The following PRH1 variants were observed in gnomAD, a reference collection of about 807,000 sequenced individuals.
The protein encoded by PRH1 is proline rich protein HaeIII subfamily 1.
PRH1 carries 7 observed loss-of-function variants against 7.9 expected under a neutral mutation model. That is an observed-to-expected ratio of 0.89 (90% confidence interval 0.50 to 1.67). PRH1 has a LOEUF of 1.67. Among genes scored for constraint, PRH1 ranks in the 40% most tolerant of loss-of-function variants. The pLI is 0.00. For synonymous variants in PRH1, 45 were observed against 80.8 expected, an observed-to-expected ratio of 0.56 and a Z score of 2.38; for missense variants, 109 against 223.6, an observed-to-expected ratio of 0.49 and a Z score of 3.27.
chr12:11,127,503 G>A (rs2136345183), intron 1 of PRH1, among the ~76,000 whole-genome samples: 1 of 152,400 alleles, frequency 6.6e-6, no homozygotes, highest in South Asian at 2.1e-4. Flanking sequence ...TCTACCAAAA[G>A]TGTCCAAGGT....
rs1944733557 is a variant in PRH1, at chr12:11,087,110, T to C, written n.124-39922A>G. Among the ~76,000 whole-genome samples the C allele has an allele frequency of 1.7e-5, 2 of 114,532 alleles. 1 individual carries two copies. Among genetic ancestry groups the C allele is most frequent in the Non-Finnish European group, 4.1e-5 (2 of 48,420 alleles). 75.1% of individuals were successfully genotyped at this position (114,532 alleles called of 152,430 possible). On this transcript the variant is annotated intron_variant and non_coding_transcript_variant, in intron 1 of 4. Coordinates refer to the PRH1 transcript ENST00000541977. Reference sequence around the variant, plus strand: ...AGTGAGAAGTTAAACTTGTTTTTTTTTTTTCTTCTGAGACACAGTCTCCCT... The same window carrying C: ...AGTGAGAAGTTAAACTTGTTTTTTTCTTTTCTTCTGAGACACAGTCTCCCT...
rs530056926 is a variant in PRH1 at position 10,936,711 on chromosome 12, G to A, written c.-59+36944C>T. ...TTGTGTTTTCTCTGTGCCCACAGAT[G>A]CCTGTTTCTTCCTCTTTTTATAAAG... On this transcript the variant is annotated intron_variant, in intron 2 of 3. Transcript: ENST00000539853. 2.6e-5 allele frequency among the ~76,000 whole-genome samples: 4 copies of A among 152,214 alleles called. No individual in the cohort carries two copies. The East Asian group carries it at 7.7e-4, about 29-fold the overall frequency.
At chr12:11,037,065 T>C (rs1259123545) in intron 1 of PRH1, among the ~76,000 whole-genome samples, 3 of 151,962 alleles carry the variant, frequency 2.0e-5, no homozygotes, top group East Asian at 3.9e-4. Flanking sequence ...ATTTATTTGC[T>C]TTTTTTTCTT....
intron 1 of PRH1, among the ~76,000 whole-genome samples, chr12:11,103,373 G>C (rs1945313608): frequency 6.6e-6 from 1 of 152,142 alleles, no homozygotes. Context: ...AAAATGATGA[G>C]TTCACGTCCC....
At chr12:10,927,670 G>A (rs759160793) in intron 2 of PRH1, among the ~76,000 whole-genome samples, 2 of 152,154 alleles carry the variant, frequency 1.3e-5, no homozygotes, top group African/African-American at 2.4e-5. Flanking sequence ...CCAGACCCTC[G>A]TATGCACAGT....
At chr12:10,882,835 G>A in intron 2 of PRH1, 137 bp from the exon 3 acceptor site, 6 of 1,471,288 alleles carry the variant, frequency 4.1e-6, no homozygotes, top group Non-Finnish European at 9.1e-7. Flanking sequence ...CCTTCCCAAG[G>A]CTTCCTAATT....
At chr12:11,056,988 A>C (rs1056740008) in intron 1 of PRH1, among the ~76,000 whole-genome samples, 1 of 151,876 alleles carries the variant, frequency 6.6e-6, no homozygotes, top group Non-Finnish European at 1.5e-5. Context: ...TATTTAAGAC[A>C]CCAGTAAGAA....
In PRH1 at chr12:10,928,094, C is replaced by A. The variant is rs564533081; in HGVS notation, c.-58-43819G>T. ...CACAAGTCATGTGGGGAGAAAAAAA[C>A]TATATAGGAAGAAAATTACAAACGA... On this transcript the variant is annotated intron_variant, in intron 2 of 3. Coordinates refer to the PRH1 transcript ENST00000539853. 4.5e-4 allele frequency among the ~76,000 whole-genome samples: 68 copies of A among 151,234 alleles called. 1 individual carries two copies. Among genetic ancestry groups the A allele is most frequent in the African/African-American group, 1.6e-3 (68 of 41,278 alleles).
intron 2 of PRH1, among the ~76,000 whole-genome samples, chr12:10,940,939 C>T (rs1326508518): frequency 6.6e-6 from 1 of 152,080 alleles, no homozygotes; most frequent in African/African-American, 2.4e-5. Context: ...TGGAAATTAC[C>T]GTATATTTAG....
intron 2 of PRH1, among the ~76,000 whole-genome samples, chr12:10,971,648 T>C (rs1245339796): frequency 2.0e-5 from 3 of 152,168 alleles, no homozygotes; most frequent in African/African-American, 7.2e-5. Flanking sequence ...GATAATGCCA[T>C]ACTAAGCCAA....
At chr12:11,133,201 A>T in intron 1 of PRH1, 1 of 1,353,884 alleles carries the variant, frequency 7.4e-7, no homozygotes, top group Non-Finnish European at 9.7e-7. Context: ...CTAGGTATAC[A>T]TGTGGAAATT....
intron 1 of PRH1, chr12:11,133,506 T>A: frequency 6.2e-7 from 1 of 1,614,156 alleles, no homozygotes; most frequent in Non-Finnish European, 8.5e-7. Flanking sequence ...CAAACTGATA[T>A]GATCATGGAC....
At chr12:11,080,875 A>G (rs1944475988) in intron 1 of PRH1, among the ~76,000 whole-genome samples, 1 of 117,636 alleles carries the variant, frequency 8.5e-6, no homozygotes, top group Non-Finnish European at 2.0e-5. Context: ...TTTCTGTTAA[A>G]ATCAGGTTGT....
At chr12:10,948,127 A>T (rs1460147891) in intron 2 of PRH1, among the ~76,000 whole-genome samples, 1 of 151,944 alleles carries the variant, frequency 6.6e-6, no homozygotes, top group African/African-American at 2.4e-5. Context: ...CTTGTGTAGA[A>T]TCTTGCATGA....
At chr12:11,010,264 A>G (rs1941007559) in intron 1 of PRH1, among the ~76,000 whole-genome samples, 1 of 152,010 alleles carries the variant, frequency 6.6e-6, no homozygotes, top group Non-Finnish European at 1.5e-5. Flanking sequence ...ATCATGTACA[A>G]TGAAAAATAA....
At chr12:11,000,735 T>C (rs571158671) in intron 1 of PRH1, among the ~76,000 whole-genome samples, 1 of 152,280 alleles carries the variant, frequency 6.6e-6, no homozygotes, top group Non-Finnish European at 1.5e-5. Flanking sequence ...TCCTCTTAGC[T>C]TGGCATTCTT....
chr12:11,041,398 C>T (rs34146423), intron 1 of PRH1, among the ~76,000 whole-genome samples: 33,879 of 150,570 alleles, frequency 0.23, 3,825 homozygotes, highest in Non-Finnish European at 0.24. Flanking sequence ...CACCATATAA[C>T]GATAAAAGGG....
chr12:10,939,155 A>G (rs370158995), intron 2 of PRH1: 2 of 1,601,922 alleles, frequency 1.2e-6, no homozygotes, highest in Non-Finnish European at 1.7e-6. Context: ...ATTTCCAATT[A>G]TAAATTCCAC....
rs1347945887 is a variant in PRH1, at chr12:11,088,689, C to CCCA, written n.124-41504_124-41502dup. Among the ~76,000 whole-genome samples, 3 of 113,934 alleles carry CCCA rather than the reference C, an allele frequency of 2.6e-5. 1 individual carries two copies. Among genetic ancestry groups the CCCA allele is most frequent in the African/African-American group, 8.9e-5 (3 of 33,854 alleles). The allele number at this position is 113,934 out of a possible 152,430, so 74.7% of individuals were successfully genotyped here. A position where few individuals can be genotyped will look rare whatever the true frequency, so the allele number is the denominator to read the frequency against. ...TAGCTCTGACTCATTAATGAAGTTT[C>CCCA]CCAGGCTACTGGTCTCAAGCAGAAT... is the stretch of plus-strand genomic sequence containing the variant. On this transcript the variant is annotated intron_variant and non_coding_transcript_variant, in intron 1 of 4. Transcript: ENST00000541977.
Sources: gnomAD v4.1 joint callset for allele counts (sites outside exome capture counted in the v4.1 genomes callset) on GRCh38, gnomAD v4.1.1 for gene constraint, MANE v1.5 for transcripts, NCBI Gene and HGNC (gene_info 2026-07-23, HGNC 2026-07-21) for gene names.